The following GTF2A1L variants were observed in gnomAD, a reference collection of about 807,000 sequenced individuals.
GTF2A1L encodes the protein TFIIA-alpha and beta-like factor.
In GTF2A1L, 48 loss-of-function variants were observed where a neutral mutation model predicts 49.7. That is an observed-to-expected ratio of 0.97 (90% CI 0.77 to 1.23). The LOEUF (loss-of-function observed/expected upper bound fraction) is 1.23. Among genes scored for constraint, GTF2A1L ranks in the 50% most tolerant of loss-of-function variants. The probability of loss-of-function intolerance (pLI) is 0.00; values close to 1 mark genes in which losing one functional copy is unlikely to be tolerated. For synonymous variants in GTF2A1L, 246 were observed against 193.5 expected (o/e 1.27, Z -2.25); for missense variants, 736 against 564.8 (o/e 1.30, Z -3.07).
intron 6 of GTF2A1L, among the ~76,000 whole-genome samples, chr2:48,660,479 A>G (rs560306838): frequency 3.3e-5 from 5 of 151,828 alleles, no homozygotes; most frequent in African/African-American, 7.2e-5. Flanking sequence ...AAGATTTTCT[A>G]TTGCTTTCTG....
intron 3 of GTF2A1L, among the ~76,000 whole-genome samples, chr2:48,635,476 C>T (rs116228358): frequency 1.8e-4 from 27 of 152,098 alleles, no homozygotes; most frequent in Non-Finnish European, 3.7e-4. Flanking sequence ...TCACCTCGAT[C>T]CCAGGGGAAC....
intron 4 of GTF2A1L, among the ~76,000 whole-genome samples, chr2:48,644,566 T>C (rs1677384947): frequency 6.6e-6 from 1 of 152,204 alleles, no homozygotes; most frequent in Admixed American, 6.5e-5. Flanking sequence ...AGTTCATGGG[T>C]CAAAGGTCAT....
At chr2:48,635,972 T>G (rs189777426) in intron 3 of GTF2A1L, among the ~76,000 whole-genome samples, 6 of 152,344 alleles carry the variant, frequency 3.9e-5, no homozygotes, top group Non-Finnish European at 8.8e-5. Flanking sequence ...GGTGAGTCAC[T>G]GAGGGAGGCT....
chr2:48,640,336 A>G (rs1455667788), intron 3 of GTF2A1L, among the ~76,000 whole-genome samples: 2 of 152,226 alleles, frequency 1.3e-5, no homozygotes, highest in Non-Finnish European at 2.9e-5. Flanking sequence ...TGTGGTACGT[A>G]TACACCATGG....
At chr2:48,660,784 G>C (rs893148962) in intron 6 of GTF2A1L, among the ~76,000 whole-genome samples, 1 of 152,056 alleles carries the variant, frequency 6.6e-6, no homozygotes, top group East Asian at 1.9e-4. Context: ...GGGATTGCAG[G>C]TGTGCTCTAC....
rs1430756629 is a variant in GTF2A1L at position 48,626,556 on chromosome 2, G to C, written c.247+5266G>C. On this transcript the variant is annotated intron_variant, in intron 3 of 8. Coordinates refer to ENST00000403751, the MANE Select transcript of GTF2A1L (RefSeq NM_006872.5). The stretch of plus-strand genomic sequence containing the variant: ...GTGTCCTTCAGTTTCTTATATCAAT[G>C]TTTTATAGTTTTCAGTGTACATATC... Among the ~76,000 whole-genome samples the C allele has an allele frequency of 1.4e-5, 2 of 143,784 alleles. 1 individual carries two copies. The highest frequency in any genetic ancestry group is 3.1e-5 in the Non-Finnish European group (2 of 63,880). The allele number at this position is 143,784 out of a possible 152,430, so 94.3% of individuals were successfully genotyped here. A position where few individuals can be genotyped will look rare whatever the true frequency, so the allele number is the denominator to read the frequency against.
intron 3 of GTF2A1L, among the ~76,000 whole-genome samples, chr2:48,630,254 G>A (rs75332908): frequency 0.024 from 3,493 of 143,856 alleles, 548 homozygotes; most frequent in Non-Finnish European, 0.039. Context: ...CATGAGCTTG[G>A]AGTGTTTCTC....
intron 6 of GTF2A1L, among the ~76,000 whole-genome samples, chr2:48,655,830 A>G (rs886933491): frequency 6.6e-6 from 1 of 152,258 alleles, no homozygotes; most frequent in African/African-American, 2.4e-5. Context: ...CTCCATGCCC[A>G]TTAAGCAGTA....
intron 1 of GTF2A1L, among the ~76,000 whole-genome samples, chr2:48,618,681 GA>G (rs1206786100): frequency 6.6e-6 from 1 of 152,144 alleles, no homozygotes; most frequent in Non-Finnish European, 1.5e-5. Flanking sequence ...TGCGTTTTAA[GA>G]TACATAAAAT....
intron 3 of GTF2A1L, among the ~76,000 whole-genome samples, chr2:48,622,476 T>C (rs1411763802): frequency 6.6e-6 from 1 of 152,020 alleles, no homozygotes; most frequent in Non-Finnish European, 1.5e-5. Flanking sequence ...TGTTAATCAC[T>C]GTTTTATTTA....
At chr2:48,644,166 G>A (rs533740979) in intron 4 of GTF2A1L, among the ~76,000 whole-genome samples, 48 of 152,166 alleles carry the variant, frequency 3.2e-4, no homozygotes, top group Non-Finnish European at 5.3e-4. Context: ...ATGAAACCCT[G>A]TCTCTTAAAA....
At chr2:48,661,639 T>C (rs1290448758) in intron 6 of GTF2A1L, among the ~76,000 whole-genome samples, 1 of 152,194 alleles carries the variant, frequency 6.6e-6, no homozygotes, top group Non-Finnish European at 1.5e-5. Context: ...TATTTTATCA[T>C]TATGTGATTA....
rs778000986 is a variant in GTF2A1L, at chr2:48,647,041, A to G, written c.977A>G (p.Lys326Arg). The G allele has an allele frequency of 6.9e-6, 11 of 1,600,032 alleles. No individual in the cohort carries two copies. The South Asian group carries it at 1.1e-4, about 17-fold the overall frequency. Residue 326 changes from lysine (K) to arginine (R), a missense_variant and splice_region_variant, in exon 6 of 9, where the codon AAG (lysine) becomes AGG (arginine). Coordinates refer to ENST00000403751, the MANE Select transcript of GTF2A1L (RefSeq NM_006872.5). ...CCCAGCAACATACCTGTATCAGAGA[A>G]GGTATAGTTCTGTGTCCAACTTCTT... The part of the protein sequence containing the change: ...EEPSNIPVSE[K>R]DSNSQVDLSI...
rs190569608 is a variant in GTF2A1L, at chr2:48,662,363, G to A, written c.979-7359G>A. Among the ~76,000 whole-genome samples, 6 of 152,206 alleles carry A rather than the reference G, an allele frequency of 3.9e-5. No individual in the cohort carries two copies. In the East Asian group the frequency reaches 1.2e-3, roughly 29 times the overall value. ...ACTTTACCAGATAATTTTACATTTT[G>A]TGTAGCTTCAAGTTACTATCTAGCA... On this transcript the variant is annotated intron_variant, in intron 6 of 8. Transcript: ENST00000403751.
At position 48,621,020 on chromosome 2, in the gene GTF2A1L, G is replaced by A. The variant is rs1675966480; in HGVS notation, c.123+68G>A. On this transcript the variant is annotated intron_variant, in intron 2 of 8. Transcript: ENST00000403751. ...TTTTTCAGCATACAAAACTGATATAGTTCTGATCTCTCAAATTATAGTTTA... is the reference window on the plus strand; with the variant it reads ...TTTTTCAGCATACAAAACTGATATAATTCTGATCTCTCAAATTATAGTTTA... 2.0e-5 allele frequency: 31 copies of A among 1,533,618 alleles called. No homozygotes were observed. In the South Asian group the frequency reaches 3.0e-4, roughly 15 times the overall value.
At chr2:48,621,359 C>A (rs911379820) in intron 3 of GTF2A1L, 69 bp downstream of exon 3, 1 of 1,605,532 alleles carries the variant, frequency 6.2e-7, no homozygotes, top group Non-Finnish European at 8.5e-7. Context: ...GAATGTTTTT[C>A]AGTTAGACAG....
chr2:48,652,819 CAAG>C (rs1677931884), intron 6 of GTF2A1L, among the ~76,000 whole-genome samples: 1 of 151,156 alleles, frequency 6.6e-6, no homozygotes, highest in East Asian at 2.1e-4. Flanking sequence ...CTCAGCGTCT[CAAG>C]TAGCTGGGAT....
At chr2:48,635,792 G>T (rs1183789704) in intron 3 of GTF2A1L, among the ~76,000 whole-genome samples, 1 of 152,084 alleles carries the variant, frequency 6.6e-6, no homozygotes, top group Non-Finnish European at 1.5e-5. Flanking sequence ...TATGCAACCA[G>T]ATTAAAAATG....
intron 3 of GTF2A1L, among the ~76,000 whole-genome samples, chr2:48,629,590 A>G (rs934424839): frequency 2.8e-5 from 4 of 144,018 alleles, no homozygotes; most frequent in African/African-American, 9.9e-5. Context: ...GCACATAATT[A>G]GATACTAGCA....
Sources: gnomAD v4.1 joint callset for allele counts (sites outside exome capture counted in the v4.1 genomes callset) on GRCh38, gnomAD v4.1.1 for gene constraint, MANE v1.5 for transcripts, NCBI Gene and HGNC (gene_info 2026-07-23, HGNC 2026-07-21) for gene names.